Variants in CHODL observed in about 807,000 individuals in gnomAD.
The protein encoded by CHODL is chondrolectin.
A neutral mutation model predicts 34.5 loss-of-function variants in CHODL; 29 were observed. The ratio of observed to expected loss-of-function variants is 0.84; its 90% CI spans 0.63 to 1.15. CHODL has a LOEUF of 1.15. Ranked by LOEUF, CHODL falls within the 50% of genes most tolerant of loss-of-function variation. CHODL has a pLI of 0.00. For synonymous variants in CHODL, 125 were observed against 116.1 expected, an observed-to-expected ratio of 1.08 and a Z score of -0.49; for missense variants, 332 against 332.5, an observed-to-expected ratio of 1.00 and a Z score of 0.01.
chr21:18,033,565 G>A (rs775642599), intron 2 of CHODL, among the ~76,000 whole-genome samples: 4 of 152,032 alleles, frequency 2.6e-5, no homozygotes, highest in Non-Finnish European at 5.9e-5. Flanking sequence ...ACCTCTGACT[G>A]CAGGGACCAA....
At chr21:17,962,062 C>G (rs1176333773) in intron 1 of CHODL, among the ~76,000 whole-genome samples, 1 of 151,844 alleles carries the variant, frequency 6.6e-6, no homozygotes, top group Non-Finnish European at 1.5e-5. Context: ...CAGTAAAATT[C>G]AAGTTCTTCC....
chr21:18,208,463 G>A (rs373441848), intron 2 of CHODL, among the ~76,000 whole-genome samples: 1 of 151,986 alleles, frequency 6.6e-6, no homozygotes, highest in Non-Finnish European at 1.5e-5. Flanking sequence ...ACATATCTCT[G>A]TCTTTTCAGA....
At chr21:18,073,980 T>C (rs2064835846) in intron 2 of CHODL, among the ~76,000 whole-genome samples, 1 of 152,126 alleles carries the variant, frequency 6.6e-6, no homozygotes, top group Admixed American at 6.6e-5. Flanking sequence ...TTTCTTATAA[T>C]TCTGATTTTG....
At chr21:18,188,687 A>G (rs769493895) in intron 2 of CHODL, among the ~76,000 whole-genome samples, 1 of 152,212 alleles carries the variant, frequency 6.6e-6, no homozygotes, top group Non-Finnish European at 1.5e-5. Flanking sequence ...TTTACAAGTC[A>G]CTGGGAAAAG....
chr21:18,228,355 GT>G (rs199882949), intron 2 of CHODL, among the ~76,000 whole-genome samples: 2 of 151,884 alleles, frequency 1.3e-5, no homozygotes, highest in African/African-American at 4.8e-5. Context: ...TCTCTGTCAT[GT>G]TTTTTTTCTT....
chr21:17,947,328 C>T (rs1403319243), intron 1 of CHODL, among the ~76,000 whole-genome samples: 1 of 151,900 alleles, frequency 6.6e-6, no homozygotes, highest in Non-Finnish European at 1.5e-5. Flanking sequence ...GGAAACACAG[C>T]ATACCAAAAC....
chr21:17,988,105 T>G (rs1244256511), intron 1 of CHODL, among the ~76,000 whole-genome samples: 1 of 152,156 alleles, frequency 6.6e-6, no homozygotes, highest in Non-Finnish European at 1.5e-5. Context: ...TGGCACAACA[T>G]AGAGGATGAA....
chr21:18,266,968 G>A lies in CHODL; in HGVS notation c.*930G>A, dbSNP rs1274013150. 1 of 152,224 alleles carries A rather than the reference G, an allele frequency of 6.6e-6. No individual in the cohort carries two copies. The highest frequency in any genetic ancestry group is 2.4e-5 in the African/African-American group (1 of 41,454). The allele number at this position is 152,224 out of a possible 1,614,324, so 9.4% of individuals were successfully genotyped here. The stretch of plus-strand genomic sequence containing the variant: ...CTCTCTTGCCCACTAAACAAAGATG[G>A]TTGTTCGGGGTTTGGGATTGACACT... On this transcript the variant is annotated 3_prime_UTR_variant, in exon 6 of 6. Transcript: ENST00000299295.
intron 1 of CHODL, among the ~76,000 whole-genome samples, chr21:18,250,189 G>A (rs761875597): frequency 6.6e-6 from 1 of 152,076 alleles, no homozygotes; most frequent in African/African-American, 2.4e-5. Flanking sequence ...ATAATCTCAA[G>A]TACCCAAAGT....
intron 1 of CHODL, among the ~76,000 whole-genome samples, chr21:17,993,226 T>A (rs112713436): frequency 6.6e-6 from 1 of 152,210 alleles, no homozygotes; most frequent in Non-Finnish European, 1.5e-5. Flanking sequence ...TTTTAAAATT[T>A]AAATTTTAAG....
intron 2 of CHODL, among the ~76,000 whole-genome samples, chr21:18,137,022 C>G (rs1174659483): frequency 6.6e-6 from 1 of 151,994 alleles, no homozygotes; most frequent in Non-Finnish European, 1.5e-5. Flanking sequence ...GGCTTGCCAT[C>G]CCTAACTATT....
intron 2 of CHODL, among the ~76,000 whole-genome samples, chr21:18,150,276 C>T (rs2072947703): frequency 6.6e-6 from 1 of 152,096 alleles, no homozygotes; most frequent in African/African-American, 2.4e-5. Context: ...ATTGTAAATG[C>T]TTCTTAACAG....
chr21:18,100,367 C>T (rs1193174523), intron 2 of CHODL, among the ~76,000 whole-genome samples: 1 of 151,918 alleles, frequency 6.6e-6, no homozygotes, highest in African/African-American at 2.4e-5. Flanking sequence ...AGATTGACTA[C>T]ATGTGGTTGG....
chr21:18,151,270 T>C (rs1050068064), intron 2 of CHODL, among the ~76,000 whole-genome samples: 1 of 152,082 alleles, frequency 6.6e-6, no homozygotes, highest in Non-Finnish European at 1.5e-5. Flanking sequence ...TATTAGATCA[T>C]ACTCTTTTTA....
chr21:18,137,534 A>C (rs1272903147), intron 2 of CHODL, among the ~76,000 whole-genome samples: 2 of 152,150 alleles, frequency 1.3e-5, no homozygotes, highest in Non-Finnish European at 2.9e-5. Flanking sequence ...TACATCTTCC[A>C]AACCCCAGAT....
chr21:18,178,135 A>G (rs1046264843), intron 2 of CHODL, among the ~76,000 whole-genome samples: 1 of 152,130 alleles, frequency 6.6e-6, no homozygotes, highest in Non-Finnish European at 1.5e-5. Context: ...TTACAATATA[A>G]TTTTCTAATA....
chr21:17,995,557 CCTT>C (rs2063841036), intron 1 of CHODL, among the ~76,000 whole-genome samples: 1 of 152,124 alleles, frequency 6.6e-6, no homozygotes, highest in South Asian at 2.1e-4. Context: ...CTGTTTTGGT[CCTT>C]CTTTGTGGTG....
In CHODL at chr21:18,260,304, C is replaced by CTT; in HGVS notation, c.634+20_634+21dup. 6.8e-7 allele frequency: 1 copy of CTT among 1,474,176 alleles called. No individual in the cohort carries two copies. The highest frequency in any genetic ancestry group is 9.3e-7 in the Non-Finnish European group (1 of 1,071,182). 91.3% of individuals were successfully genotyped at this position (1,474,176 alleles called of 1,614,324 possible). A position where few individuals can be genotyped will look rare whatever the true frequency, so the allele number is the denominator to read the frequency against. On this transcript the variant is annotated intron_variant, in intron 4 of 5. Transcript: ENST00000299295. Reference sequence around the variant, plus strand: ...TGAAGCAGGTAATTACTTCATGTGTCTTTAACTTCATCAAGAACTGAACTG... The same window carrying CTT: ...TGAAGCAGGTAATTACTTCATGTGTCTTTTTAACTTCATCAAGAACTGAACTG...
rs534326936 is a variant in CHODL at position 17,970,076 on chromosome 21, G to A, written c.-145+52676G>A. ...TATTGGATCCTGGGTATTCACTCTC[G>A]TTTCTTTCTCACATTGCCCTGGACC... On this transcript the variant is annotated intron_variant, in intron 1 of 6. Transcript: ENST00000400127. Among the ~76,000 whole-genome samples the A allele has an allele frequency of 9.9e-5, 15 of 152,198 alleles. 1 individual carries two copies. The highest frequency in any genetic ancestry group is 8.3e-4 in the South Asian group (4 of 4,816).
Sources: allele counts gnomAD v4.1 joint callset (sites outside exome capture counted in the v4.1 genomes callset), GRCh38; gene constraint gnomAD v4.1.1; transcripts MANE v1.5; gene names NCBI Gene and HGNC (gene_info 2026-07-23, HGNC 2026-07-21).